The following MYH14 variants were observed in gnomAD, a reference collection of about 807,000 sequenced individuals.
MYH14 encodes myosin-14.
Under a neutral mutation model 255.5 loss-of-function variants are expected in MYH14, and 123 were observed. The observed-to-expected ratio is 0.48, with a 90% confidence interval of 0.42 to 0.56. The LOEUF (loss-of-function observed/expected upper bound fraction) is 0.56, where lower values mean the gene tolerates loss of function less well. MYH14 is among the 20% of genes least tolerant of loss of function. The probability of loss-of-function intolerance (pLI) is 0.00; values close to 1 mark genes in which losing one functional copy is unlikely to be tolerated. For missense variants in MYH14, 2,423 were observed against 2,802.3 expected (o/e 0.86, Z 3.06); for synonymous variants, 1,095 against 1,161.2 (o/e 0.94, Z 1.16).
At position 50,280,425 on chromosome 19, in the gene MYH14, C is replaced by G; in HGVS notation, c.4290+42C>G. 6.8e-7 allele frequency: 1 copy of G among 1,478,182 alleles called. No homozygotes were observed. The highest frequency in any genetic ancestry group is 9.0e-7 in the Non-Finnish European group (1 of 1,108,228). The allele number at this position is 1,478,182 out of a possible 1,614,324, so 91.6% of individuals were successfully genotyped here. A position where few individuals can be genotyped will look rare whatever the true frequency, so the allele number is the denominator to read the frequency against. On this transcript the variant is annotated intron_variant, in intron 32 of 42. Coordinates refer to ENST00000642316, the MANE Select transcript of MYH14 (RefSeq NM_001145809.2). This position sits in a 1 kb window ranked among gnomAD's most constrained non-coding sequence, Gnocchi z 4.8. ...AAGACCTTCAGGGAGGCACAGCCCC[C>G]CTCACTGCTCCTCCTGGGTTCCCCA...
intron 42 of MYH14, 131 bp from the exon 43 acceptor site, chr19:50,309,509 C>G (rs2036774149): frequency 1.4e-6 from 1 of 689,944 alleles, no homozygotes; most frequent in Non-Finnish European, 2.5e-6. Context: ...TCATCCCTCT[C>G]TTCCCCCTTA....
intron 33 of MYH14, among the ~76,000 whole-genome samples, chr19:50,282,325 C>T (rs1373143248): frequency 6.6e-6 from 1 of 152,220 alleles, no homozygotes; most frequent in Non-Finnish European, 1.5e-5. Context: ...TCCTGAGGTT[C>T]AGATCCCAAT....
intron 22 of MYH14, among the ~76,000 whole-genome samples, chr19:50,264,176 C>T (rs1651549): frequency 0.02 from 3,003 of 148,950 alleles, 96 homozygotes; most frequent in African/African-American, 0.069. Flanking sequence ...GTGGACAACA[C>T]TTAGCTGTTC....
In MYH14 at chr19:50,249,817, G is replaced by A. The variant is rs759489133; in HGVS notation, c.1650G>A (p.Glu550=). The part of the protein sequence containing the change: ...LDLQPCIDLI[E]RPANPPGLLA... ...TGCAGCCCTGCATCGACCTCATCGA[G>A]CGGCCGGTGAGCCCCAGGCCCCTCC... The change falls in exon 14 of 43, where the codon GAG becomes GAA. Residue 550 remains glutamate, a synonymous_variant. Coordinates refer to ENST00000642316, the MANE Select transcript of MYH14 (RefSeq NM_001145809.2). The A allele has an allele frequency of 1.7e-5, 28 of 1,614,032 alleles. 1 individual carries two copies. The highest frequency in any genetic ancestry group is 2.0e-5 in the Non-Finnish European group (24 of 1,180,024).
intron 34 of MYH14, among the ~76,000 whole-genome samples, chr19:50,289,144 C>T (rs1259409654): frequency 6.6e-6 from 1 of 152,140 alleles, no homozygotes; most frequent in African/African-American, 2.4e-5. Context: ...AATAATCCAC[C>T]ATGAGTGAGA....
At chr19:50,222,009 A>T (rs1348911480) in intron 3 of MYH14, among the ~76,000 whole-genome samples, 1 of 151,996 alleles carries the variant, frequency 6.6e-6, no homozygotes, top group Non-Finnish European at 1.5e-5. Flanking sequence ...TTGGGGCTGG[A>T]TGATTCTTTG....
At chr19:50,251,823 C>A (rs1019130629) in intron 15 of MYH14, among the ~76,000 whole-genome samples, 2 of 152,142 alleles carry the variant, frequency 1.3e-5, no homozygotes, top group Admixed American at 1.3e-4. Flanking sequence ...GTTGATCCAC[C>A]CGCATAGGCC....
At chr19:50,272,906 A>G (rs1239952447) in intron 27 of MYH14, among the ~76,000 whole-genome samples, 175 bp downstream of exon 27, 1 of 152,172 alleles carries the variant, frequency 6.6e-6, no homozygotes, top group Non-Finnish European at 1.5e-5. Flanking sequence ...GAAGATAGCA[A>G]GAGTTCCAGG....
intron 3 of MYH14, among the ~76,000 whole-genome samples, chr19:50,222,179 C>G (rs1032740510): frequency 1.3e-5 from 2 of 152,164 alleles, no homozygotes; most frequent in East Asian, 3.9e-4. Context: ...TAATTACCCC[C>G]GTTTAAGAAC....
In MYH14 at chr19:50,271,852, C is replaced by CGGA; in HGVS notation, c.3176_3178dup (p.Arg1059dup). On this transcript the variant is annotated inframe_insertion, in exon 26 of 43. Transcript: ENST00000642316. ...CCCATCCCACTCCACCCCTCAGGAG[C>CGGA]GGAAGCTGCTGGAAGATCGTCTGGC... 6.2e-7 allele frequency: 1 copy of CGGA among 1,613,182 alleles called. No individual in the cohort carries two copies. Among genetic ancestry groups the CGGA allele is most frequent in the Non-Finnish European group, 8.5e-7 (1 of 1,179,788 alleles).
chr19:50,228,010 A>G (rs1190546335), intron 8 of MYH14, among the ~76,000 whole-genome samples: 2 of 152,206 alleles, frequency 1.3e-5, no homozygotes, highest in Non-Finnish European at 2.9e-5. Context: ...GTGGCCAGGC[A>G]CGGTGGCTCA....
At chr19:50,259,508 CT>C (rs904888561) in intron 19 of MYH14, among the ~76,000 whole-genome samples, 2 of 152,244 alleles carry the variant, frequency 1.3e-5, no homozygotes, top group African/African-American at 4.8e-5. Context: ...TACATTGCTG[CT>C]GCTGTTTAGG....
intron 21 of MYH14, among the ~76,000 whole-genome samples, chr19:50,262,469 C>T (rs12327582): frequency 0.022 from 3,371 of 151,066 alleles, 98 homozygotes; most frequent in African/African-American, 0.067. Context: ...ACTCGGGAAG[C>T]AGAGACTGCA....
At chr19:50,282,654 G>A (rs2035763655) in intron 33 of MYH14, among the ~76,000 whole-genome samples, 1 of 152,110 alleles carries the variant, frequency 6.6e-6, no homozygotes, top group Non-Finnish European at 1.5e-5. Context: ...AGTGAGCCAA[G>A]ATCGTGCCAC....
At position 50,230,485 on chromosome 19, in the gene MYH14, C is replaced by A; in HGVS notation, c.875-40C>A. ...CTGTAGTGGCCTGGCAGCGTCGGGG[C>A]CGTCCCTTCCCCTCTAGCACCTTGA... On this transcript the variant is annotated intron_variant, in intron 8 of 42. Coordinates refer to ENST00000642316, the MANE Select transcript of MYH14 (RefSeq NM_001145809.2). This position sits in a 1 kb window ranked among gnomAD's most constrained non-coding sequence, Gnocchi z 4.7. 1 of 1,526,674 alleles carries A rather than the reference C, an allele frequency of 6.6e-7. No homozygotes were observed. The highest frequency in any genetic ancestry group is 8.9e-7 in the Non-Finnish European group (1 of 1,125,612). The allele number at this position is 1,526,674 out of a possible 1,614,324, so 94.6% of individuals were successfully genotyped here.
chr19:50,231,953 T>C lies in MYH14; in HGVS notation c.997T>C (p.Ser333Pro), dbSNP rs201637434. 2.5e-6 allele frequency: 4 copies of C among 1,613,888 alleles called. No homozygotes were observed. The highest frequency in any genetic ancestry group is 3.3e-5 in the Admixed American group (2 of 60,016). Residue 333 changes from serine (S) to proline (P), a missense_variant, in exon 10 of 43, where the codon TCC (serine) becomes CCC (proline). By Grantham distance (74) the Ser-to-Pro change is moderately conservative. Transcript: ENST00000642316. ...LKADLLLEPC[S>P]HYRFLTNGPS... ...AGCCGACCTCCTCCTCGAGCCCTGC[T>C]CCCACTACCGGTTCCTGACCAACGG...
intron 40 of MYH14, among the ~76,000 whole-genome samples, chr19:50,304,585 G>A (rs913842558): frequency 7.9e-5 from 12 of 151,988 alleles, no homozygotes; most frequent in East Asian, 5.8e-4. Flanking sequence ...GCAAGACTCC[G>A]ACTCCAAAAA....
chr19:50,209,091 A>G (rs145257088), intron 1 of MYH14, among the ~76,000 whole-genome samples: 2,171 of 152,294 alleles, frequency 0.014, 49 homozygotes, highest in African/African-American at 0.046. Flanking sequence ...CTGGGAAGTC[A>G]AGGATGTGGT....
chr19:50,304,259 C>T (rs927868199), intron 40 of MYH14, among the ~76,000 whole-genome samples: 4 of 152,160 alleles, frequency 2.6e-5, no homozygotes, highest in African/African-American at 9.7e-5. Context: ...ATAAGGTTCC[C>T]TTTTGTATTC....
Sources: allele counts gnomAD v4.1 joint callset (sites outside exome capture counted in the v4.1 genomes callset), GRCh38; gene constraint gnomAD v4.1.1; non-coding constraint Gnocchi (gnomAD v3.1); transcripts MANE v1.5; gene names NCBI Gene and HGNC (gene_info 2026-07-23, HGNC 2026-07-21).